EPC2: variants seen among roughly 807,000 people sequenced by gnomAD.
The protein encoded by EPC2 is enhancer of polycomb homolog 2.
EPC2 carries 14 observed loss-of-function variants against 92.1 expected under a neutral mutation model. The ratio of observed to expected loss-of-function variants is 0.15; its 90% CI spans 0.10 to 0.24. EPC2 has a LOEUF of 0.24. EPC2 is among the 10% of genes least tolerant of loss of function. The probability of loss-of-function intolerance (pLI) is 1.00; values close to 1 mark genes in which losing one functional copy is unlikely to be tolerated. For synonymous variants in EPC2, 340 were observed against 334.7 expected (o/e 1.02, Z -0.17); for missense variants, 755 against 971.5 (o/e 0.78, Z 2.96).
intron 1 of EPC2, among the ~76,000 whole-genome samples, chr2:148,650,316 A>G (rs1215857528): frequency 2.0e-5 from 3 of 152,136 alleles, no homozygotes; most frequent in East Asian, 1.9e-4. Context: ...GCAGCATTTG[A>G]TAAAGTCTTC....
intron 2 of EPC2, among the ~76,000 whole-genome samples, chr2:148,711,043 A>G (rs1682131867): frequency 6.6e-6 from 1 of 152,056 alleles, no homozygotes; most frequent in Admixed American, 6.6e-5. Context: ...TTAAATAATC[A>G]GCTTTTGGTG....
chr2:148,656,215 T>G (rs1324798886), intron 1 of EPC2, among the ~76,000 whole-genome samples: 1 of 152,136 alleles, frequency 6.6e-6, no homozygotes, highest in Non-Finnish European at 1.5e-5. Flanking sequence ...CTCTGAGGAA[T>G]TGAGAATTAG....
At chr2:148,721,635 C>T (rs1574604331) in intron 2 of EPC2, among the ~76,000 whole-genome samples, 2 of 150,114 alleles carry the variant, frequency 1.3e-5, no homozygotes, top group Middle Eastern at 7.1e-3. Context: ...GTCATTGTTG[C>T]TTCACATGTT....
At chr2:148,764,119 C>A (rs1683362070) in intron 6 of EPC2, among the ~76,000 whole-genome samples, 1 of 152,118 alleles carries the variant, frequency 6.6e-6, no homozygotes, top group Non-Finnish European at 1.5e-5. Context: ...AATTTTATAT[C>A]TCACTAAATA....
At chr2:148,728,743 TAA>T (rs752830068) in intron 2 of EPC2, among the ~76,000 whole-genome samples, 2 of 146,248 alleles carry the variant, frequency 1.4e-5, no homozygotes, top group East Asian at 2.0e-4. Context: ...TTTTTTTTTT[TAA>T]AAAAAGGCCG....
At chr2:148,660,881 ATT>A (rs202002900) in intron 1 of EPC2, among the ~76,000 whole-genome samples, 3 of 151,048 alleles carry the variant, frequency 2.0e-5, no homozygotes, top group African/African-American at 7.3e-5. Flanking sequence ...TTCCTTCAGA[ATT>A]TTTTTTGTGT....
chr2:148,698,016 G>A (rs1300622641), intron 2 of EPC2, among the ~76,000 whole-genome samples: 2 of 152,036 alleles, frequency 1.3e-5, no homozygotes, highest in East Asian at 3.9e-4. Context: ...AGTCAAGTGG[G>A]CTTTATTTTC....
At chr2:148,661,381 G>T (rs1178535759) in intron 1 of EPC2, among the ~76,000 whole-genome samples, 2 of 151,956 alleles carry the variant, frequency 1.3e-5, no homozygotes, top group Non-Finnish European at 2.9e-5. Context: ...TTTATATCCT[G>T]CAACTTTATT....
chr2:148,671,851 ATTT>A (rs567187590), intron 1 of EPC2, among the ~76,000 whole-genome samples: 12 of 147,944 alleles, frequency 8.1e-5, no homozygotes, highest in Non-Finnish European at 3.0e-5. Context: ...TAGAGGAGGA[ATTT>A]TTTTTTTTGG....
chr2:148,773,293 G>A (rs1005985922), intron 10 of EPC2, among the ~76,000 whole-genome samples: 1 of 151,980 alleles, frequency 6.6e-6, no homozygotes, highest in African/African-American at 2.4e-5. Flanking sequence ...ACTTCTCAGG[G>A]AATTTAAGTC....
chr2:148,779,905 CA>C (rs1273294648), intron 10 of EPC2, among the ~76,000 whole-genome samples: 16 of 152,124 alleles, frequency 1.1e-4, no homozygotes, highest in African/African-American at 3.6e-4. Flanking sequence ...GGGACTTAAA[CA>C]GATTTATTTG....
intron 11 of EPC2, 66 bp downstream of exon 11, chr2:148,781,846 T>C (rs1683756478): frequency 6.3e-7 from 1 of 1,580,074 alleles, no homozygotes; most frequent in African/African-American, 1.3e-5. Context: ...TATTCCATTT[T>C]AGTCAAGTCA....
chr2:148,717,394 C>T (rs908757357), intron 2 of EPC2, among the ~76,000 whole-genome samples: 3 of 152,032 alleles, frequency 2.0e-5, no homozygotes, highest in African/African-American at 4.8e-5. Flanking sequence ...ATAAATTTCC[C>T]GCTTAACACT....
intron 3 of EPC2, among the ~76,000 whole-genome samples, chr2:148,750,966 A>G (rs1456115051): frequency 1.3e-5 from 2 of 152,110 alleles, no homozygotes; most frequent in South Asian, 2.1e-4. Flanking sequence ...TCTGCCCTGT[A>G]TCTTATTACA....
In EPC2 at chr2:148,771,049, T is replaced by C; in HGVS notation, c.1382T>C (p.Ile461Thr). Residue 461 changes from isoleucine to threonine, a missense_variant, in exon 10 of 14, where the codon ATA becomes ACA. Around this residue, in one of 4 missense-constraint regions of EPC2, gnomAD observed 509 missense variants for 607.7 expected, o/e 0.84. Coordinates refer to ENST00000258484, the MANE Select transcript of EPC2 (RefSeq NM_015630.4). ...GGTTTTATTTTGCTTTTCAGGGTCATAATGGACCGAATATCCACAGAACAT... is the reference window on the plus strand; with the variant it reads ...GGTTTTATTTTGCTTTTCAGGGTCACAATGGACCGAATATCCACAGAACAT... ...RRRIGRGGRV[I>T]MDRISTEHDP... 3.1e-6 allele frequency: 5 copies of C among 1,603,446 alleles called. No homozygotes were observed. The highest frequency in any genetic ancestry group is 4.3e-6 in the Non-Finnish European group (5 of 1,175,404).
intron 2 of EPC2, among the ~76,000 whole-genome samples, chr2:148,727,673 C>A (rs1682525009): frequency 6.6e-6 from 1 of 152,110 alleles, no homozygotes; most frequent in Non-Finnish European, 1.5e-5. Context: ...TGCCTTCATT[C>A]TATGCTTGTT....
chr2:148,751,387 G>A (rs1683080866), intron 3 of EPC2, among the ~76,000 whole-genome samples: 1 of 151,958 alleles, frequency 6.6e-6, no homozygotes, highest in South Asian at 2.1e-4. Flanking sequence ...CCCCATCCCT[G>A]TAAGTAAATA....
At position 148,705,858 on chromosome 2, in the gene EPC2, A is replaced by G. The variant is rs562479543; in HGVS notation, c.313+15485A>G. On this transcript the variant is annotated intron_variant, in intron 2 of 13. Transcript: ENST00000258484. ...CCTCATCTGTAGGTCACCATCATCA[A>G]AGACCAAAGGTAGATAAAACCACAA... Among the ~76,000 whole-genome samples, 11 of 152,330 alleles carry G rather than the reference A, an allele frequency of 7.2e-5. No homozygotes were observed. The South Asian group carries it at 2.3e-3, about 32-fold the overall frequency.
At chr2:148,740,484 T>G (rs1317417238) in intron 2 of EPC2, among the ~76,000 whole-genome samples, 9 of 152,188 alleles carry the variant, frequency 5.9e-5, no homozygotes, top group African/African-American at 2.4e-5. Context: ...GTCTTTGCCC[T>G]GGTTCTGATT....
Sources: allele counts gnomAD v4.1 joint callset (sites outside exome capture counted in the v4.1 genomes callset), GRCh38; gene constraint gnomAD v4.1.1; regional missense constraint gnomAD v4.1.1; transcripts MANE v1.5; gene names NCBI Gene and HGNC (gene_info 2026-07-23, HGNC 2026-07-21).